Variants in SGCD observed in about 807,000 individuals in gnomAD.
The protein encoded by SGCD is delta-sarcoglycan.
A neutral mutation model predicts 36.6 loss-of-function variants in SGCD; 18 were observed. The ratio of observed to expected loss-of-function variants is 0.49; its 90% CI spans 0.34 to 0.73. The LOEUF is 0.73. SGCD is among the 30% of genes least tolerant of loss of function. SGCD has a pLI of 0.01. For missense variants in SGCD, 387 were observed against 346.7 expected, an observed-to-expected ratio of 1.12 and a Z score of -0.92; for synonymous variants, 133 against 130.6, an observed-to-expected ratio of 1.02 and a Z score of -0.12.
intron 3 of SGCD, among the ~76,000 whole-genome samples, chr5:156,497,404 G>A (rs974590535): frequency 1.3e-5 from 2 of 152,124 alleles, no homozygotes; most frequent in African/African-American, 4.8e-5. Flanking sequence ...CAGAGAAAGT[G>A]TAGAGCAAAG....
the SGCD span, among the ~76,000 whole-genome samples, chr5:155,790,192 A>G: frequency 6.6e-6 from 1 of 152,092 alleles, no homozygotes; most frequent in East Asian, 1.9e-4. Context: ...ATATTACCAT[A>G]GGTCTTCTGT....
chr5:156,695,140 G>GTT (rs1754261352), intron 7 of SGCD, among the ~76,000 whole-genome samples: 1 of 149,114 alleles, frequency 6.7e-6, no homozygotes, highest in African/African-American at 2.5e-5. Flanking sequence ...GTGTGTGTTT[G>GTT]TGTGTGTGTG....
rs545429015 is a variant in SGCD at position 156,254,397 on chromosome 5, T to C, written c.-43-75137T>C. Among the ~76,000 whole-genome samples the C allele has an allele frequency of 2.6e-5, 4 of 152,274 alleles. No homozygotes were observed. In the South Asian group the frequency reaches 8.3e-4, roughly 32 times the overall value. Reference sequence around the variant, plus strand: ...CGCTCCCCTGGGAACTGAACAATGCTCTAGTCGTTTTTAAAGCATGCCATT... The same window carrying C: ...CGCTCCCCTGGGAACTGAACAATGCCCTAGTCGTTTTTAAAGCATGCCATT... On this transcript the variant is annotated intron_variant, in intron 3 of 9. Transcript: ENST00000517913.
At chr5:156,300,210 TGTAA>T (rs1296666490) in intron 3 of SGCD, among the ~76,000 whole-genome samples, 3 of 152,094 alleles carry the variant, frequency 2.0e-5, no homozygotes, top group African/African-American at 7.2e-5. Context: ...CATTAGATTA[TGTAA>T]GTGTTTCCTT....
At chr5:156,222,763 C>A (rs1031279403) in intron 3 of SGCD, among the ~76,000 whole-genome samples, 9 of 151,890 alleles carry the variant, frequency 5.9e-5, no homozygotes, top group South Asian at 4.1e-4. Context: ...AAATATAATT[C>A]TTTTATTTAC....
At chr5:156,661,770 G>T (rs946648032) in intron 7 of SGCD, among the ~76,000 whole-genome samples, 2 of 151,734 alleles carry the variant, frequency 1.3e-5, no homozygotes, top group Non-Finnish European at 2.9e-5. Context: ...ATTGATAAAG[G>T]CTTGTCTAAC....
At chr5:156,450,064 C>T (rs1753939990) in intron 3 of SGCD, among the ~76,000 whole-genome samples, 2 of 152,062 alleles carry the variant, frequency 1.3e-5, no homozygotes, top group Admixed American at 1.3e-4. Flanking sequence ...TGTGAGCACC[C>T]TCCTTTTGTA....
intron 1 of SGCD, among the ~76,000 whole-genome samples, chr5:156,055,114 C>A (rs559623798): frequency 6.9e-6 from 1 of 145,214 alleles, no homozygotes; most frequent in East Asian, 1.9e-4. Flanking sequence ...TTCTCCAATT[C>A]TTTGCCTATA....
chr5:156,495,981 T>A (rs1417482678), intron 3 of SGCD, among the ~76,000 whole-genome samples: 2 of 152,156 alleles, frequency 1.3e-5, no homozygotes, highest in African/African-American at 4.8e-5. Flanking sequence ...TGAGTGCTCA[T>A]TGGGAGTGAT....
chr5:155,844,712 C>T, the SGCD span, among the ~76,000 whole-genome samples: 4 of 151,950 alleles, frequency 2.6e-5, no homozygotes, highest in Non-Finnish European at 2.9e-5. Flanking sequence ...AATGGAATAC[C>T]GTATATGGAG....
intron 3 of SGCD, among the ~76,000 whole-genome samples, chr5:156,254,134 C>G (rs4235721): frequency 0.79 from 120,218 of 152,106 alleles, 47,929 homozygotes; most frequent in East Asian, 0.92. Context: ...CAATTGTTGA[C>G]TAATACACTG....
chr5:156,128,481 A>C (rs966551020), intron 3 of SGCD, among the ~76,000 whole-genome samples: 5 of 107,258 alleles, frequency 4.7e-5, no homozygotes, highest in Non-Finnish European at 8.2e-5. Context: ...GATGTCTAAC[A>C]AAAAAAAATG....
intron 3 of SGCD, among the ~76,000 whole-genome samples, chr5:156,192,471 G>T (rs1321402246): frequency 1.3e-5 from 2 of 152,108 alleles, no homozygotes; most frequent in Admixed American, 6.6e-5. Flanking sequence ...AGGCTGGGAA[G>T]TGTATGGGGG....
chr5:156,387,606 A>G (rs147033973), intron 3 of SGCD, among the ~76,000 whole-genome samples: 464 of 152,330 alleles, frequency 3.0e-3, no homozygotes, highest in Middle Eastern at 0.024. Flanking sequence ...TTAGCAGATG[A>G]AGAATTAGAT....
chr5:156,473,872 G>GT (rs1304540675), intron 3 of SGCD, among the ~76,000 whole-genome samples: 2 of 151,914 alleles, frequency 1.3e-5, no homozygotes, highest in African/African-American at 4.8e-5. Flanking sequence ...CTTGAGTGCT[G>GT]TATGTGTCAA....
At chr5:156,275,593 C>A (rs1002827954) in intron 3 of SGCD, among the ~76,000 whole-genome samples, 1 of 152,098 alleles carries the variant, frequency 6.6e-6, no homozygotes, top group South Asian at 2.1e-4. Flanking sequence ...GATAGCATTA[C>A]CAAAGACCTC....
At chr5:156,332,197 A>G (rs954638187) in intron 2 of SGCD, among the ~76,000 whole-genome samples, 4 of 152,228 alleles carry the variant, frequency 2.6e-5, no homozygotes, top group African/African-American at 9.6e-5. Context: ...GGCTGCTGAT[A>G]CAAACAGCAG....
At chr5:155,759,392 C>G in the SGCD span, among the ~76,000 whole-genome samples, 1 of 152,150 alleles carries the variant, frequency 6.6e-6, no homozygotes, top group African/African-American at 2.4e-5. Context: ...GCATTCCTAT[C>G]TTTATATTCT....
the SGCD span, among the ~76,000 whole-genome samples, chr5:155,812,678 G>A: frequency 6.6e-6 from 1 of 152,154 alleles, no homozygotes; most frequent in Non-Finnish European, 1.5e-5. Flanking sequence ...TATCTTCGAT[G>A]GGACATTTGA....
Sources: allele counts gnomAD v4.1 joint callset (sites outside exome capture counted in the v4.1 genomes callset), GRCh38; gene constraint gnomAD v4.1.1; transcripts MANE v1.5; gene names NCBI Gene and HGNC (gene_info 2026-07-23, HGNC 2026-07-21).